The following GPC5 variants were observed in gnomAD, a reference collection of about 807,000 sequenced individuals.
The protein encoded by GPC5 is glypican-5.
In GPC5, 47 loss-of-function variants were observed where a neutral mutation model predicts 53.9. The ratio of observed to expected loss-of-function variants is 0.87; its 90% CI spans 0.69 to 1.11. The LOEUF (loss-of-function observed/expected upper bound fraction) is 1.11, where lower values mean the gene tolerates loss of function less well. Among genes scored for constraint, GPC5 ranks in the 50% most tolerant of loss-of-function variants. GPC5 has a pLI of 0.00. For synonymous variants in GPC5, 286 were observed against 263.3 expected, an observed-to-expected ratio of 1.09 and a Z score of -0.84; for missense variants, 748 against 713.1, an observed-to-expected ratio of 1.05 and a Z score of -0.56.
At chr13:91,707,500 G>A (rs566209677) in intron 3 of GPC5, among the ~76,000 whole-genome samples, 1 of 152,026 alleles carries the variant, frequency 6.6e-6, no homozygotes, top group Non-Finnish European at 1.5e-5. Context: ...GCACACCTGT[G>A]GTCCCAGCTG....
intron 6 of GPC5, among the ~76,000 whole-genome samples, chr13:92,052,491 C>T (rs9284268): frequency 0.047 from 7,147 of 152,180 alleles, 576 homozygotes; most frequent in African/African-American, 0.16. Flanking sequence ...TATTTGTCCC[C>T]GCCCATGTCC....
At chr13:91,803,887 A>G (rs1003027606) in intron 5 of GPC5, among the ~76,000 whole-genome samples, 2 of 152,126 alleles carry the variant, frequency 1.3e-5, no homozygotes, top group African/African-American at 4.8e-5. Flanking sequence ...AGAAATGCAG[A>G]GATAGAAAAA....
intron 7 of GPC5, among the ~76,000 whole-genome samples, chr13:92,185,372 A>G (rs1286851795): frequency 1.3e-5 from 2 of 152,240 alleles, no homozygotes; most frequent in East Asian, 1.9e-4. Context: ...AGCTCAAAAT[A>G]TTAATATGAA....
intron 7 of GPC5, among the ~76,000 whole-genome samples, chr13:92,653,591 A>G (rs1006830186): frequency 2.0e-5 from 3 of 152,254 alleles, no homozygotes; most frequent in Non-Finnish European, 4.4e-5. Context: ...GGCTATTTAT[A>G]AATATGTAAG....
rs577399521 is a variant in GPC5, at chr13:92,776,091, T to A, written c.1562-90191T>A. On this transcript the variant is annotated intron_variant, in intron 7 of 7. Transcript: ENST00000377067. ...TATCTGACAAGTCTGGAGATCAGAATCCTTAAAATCAAGGTATTAGAAGGG... is the reference window on the plus strand; with the variant it reads ...TATCTGACAAGTCTGGAGATCAGAAACCTTAAAATCAAGGTATTAGAAGGG... 3.9e-5 allele frequency among the ~76,000 whole-genome samples: 6 copies of A among 152,292 alleles called. No homozygotes were observed. The East Asian group carries it at 1.2e-3, about 29-fold the overall frequency.
At chr13:92,182,617 A>G (rs1039227414) in intron 7 of GPC5, among the ~76,000 whole-genome samples, 7 of 152,198 alleles carry the variant, frequency 4.6e-5, no homozygotes, top group Non-Finnish European at 8.8e-5. Context: ...TCCGATCGCC[A>G]TAAGTATGGG....
intron 5 of GPC5, among the ~76,000 whole-genome samples, chr13:91,882,137 TG>T (rs145840991): frequency 0.014 from 2,104 of 152,260 alleles, 43 homozygotes; most frequent in African/African-American, 0.041. Context: ...GAGGGTGATA[TG>T]GGGGTGCTTG....
At chr13:91,997,886 T>C (rs985049364) in intron 6 of GPC5, among the ~76,000 whole-genome samples, 5 of 152,232 alleles carry the variant, frequency 3.3e-5, no homozygotes, top group Non-Finnish European at 2.9e-5. Flanking sequence ...ATTTTCTTTA[T>C]GGTTAAATTG....
chr13:92,317,668 A>T (rs1215664360), intron 7 of GPC5, among the ~76,000 whole-genome samples: 3 of 148,184 alleles, frequency 2.0e-5, no homozygotes, highest in Non-Finnish European at 4.5e-5. Context: ...AATTTTTTTT[A>T]TTTTTTTATT....
At chr13:91,726,095 T>C (rs2036570951) in intron 3 of GPC5, among the ~76,000 whole-genome samples, 1 of 152,236 alleles carries the variant, frequency 6.6e-6, no homozygotes, top group Admixed American at 6.5e-5. Context: ...TTTTTGTGAA[T>C]AATTTAGCAC....
intron 6 of GPC5, among the ~76,000 whole-genome samples, chr13:92,105,429 A>T (rs1485111253): frequency 6.6e-6 from 1 of 152,136 alleles, no homozygotes; most frequent in Admixed American, 6.6e-5. Context: ...CTTTCATTTG[A>T]TATTTACCGA....
chr13:92,610,134 C>T (rs911847218), intron 7 of GPC5, among the ~76,000 whole-genome samples: 6 of 149,950 alleles, frequency 4.0e-5, no homozygotes, highest in African/African-American at 1.5e-4. Flanking sequence ...AGAGAGATTT[C>T]TATTGAACTT....
chr13:92,085,697 G>A (rs539418306), intron 6 of GPC5, among the ~76,000 whole-genome samples: 1 of 152,260 alleles, frequency 6.6e-6, no homozygotes, highest in African/African-American at 2.4e-5. Context: ...CCTGCAACTA[G>A]GTGTTCCCAT....
chr13:92,857,164 C>T (rs1187942059), intron 7 of GPC5, among the ~76,000 whole-genome samples: 1 of 152,000 alleles, frequency 6.6e-6, no homozygotes, highest in Non-Finnish European at 1.5e-5. Context: ...AATGAAGCAG[C>T]ACACATAGAA....
intron 7 of GPC5, among the ~76,000 whole-genome samples, chr13:92,669,686 T>C (rs1000613448): frequency 6.6e-6 from 1 of 152,172 alleles, no homozygotes; most frequent in Non-Finnish European, 1.5e-5. Flanking sequence ...CAGGCATTTG[T>C]CCTCTTGGAA....
Position 91,398,864 on chromosome 13 carries a change from C to T in GPC5, c.-183C>T, listed in dbSNP as rs535044366. The T allele has an allele frequency of 1.3e-5, 8 of 632,344 alleles. No individual in the cohort carries two copies. The highest frequency in any genetic ancestry group is 2.1e-5 in the Non-Finnish European group (8 of 382,836). 39.2% of individuals were successfully genotyped at this position (632,344 alleles called of 1,614,324 possible). A position where few individuals can be genotyped will look rare whatever the true frequency, so the allele number is the denominator to read the frequency against. ...AAACTCTGGTGTCTCAGCTTAGGGC[C>T]TCCTCCGGGAAGAGCTAACTGCTCC... On this transcript the variant is annotated 5_prime_UTR_variant, in exon 1 of 8. Coordinates refer to ENST00000377067, the MANE Select transcript of GPC5 (RefSeq NM_004466.6).
intron 2 of GPC5, among the ~76,000 whole-genome samples, chr13:91,518,874 G>T (rs1389525555): frequency 6.6e-6 from 1 of 152,098 alleles, no homozygotes; most frequent in Non-Finnish European, 1.5e-5. Flanking sequence ...TTCTAAAGAG[G>T]CAGTAGTAGT....
rs556729239 is a variant in GPC5, at chr13:91,890,183, C to T, written c.1281-17754C>T. Among the ~76,000 whole-genome samples the T allele has an allele frequency of 3.9e-5, 6 of 152,164 alleles. No homozygotes were observed. In the South Asian group the frequency reaches 8.3e-4, roughly 21 times the overall value. On this transcript the variant is annotated intron_variant, in intron 5 of 7. Transcript: ENST00000377067. Reference sequence around the variant, plus strand: ...ATGTCCTTGCAGAAGTGTTCTTTTGCGTAAGGTTGCAATGGTAAGATTGTG... The same window carrying T: ...ATGTCCTTGCAGAAGTGTTCTTTTGTGTAAGGTTGCAATGGTAAGATTGTG...
chr13:91,403,577 A>G (rs1251523848), intron 1 of GPC5, among the ~76,000 whole-genome samples: 2 of 152,330 alleles, frequency 1.3e-5, no homozygotes, highest in East Asian at 3.9e-4. Flanking sequence ...TCATCCTTTT[A>G]TACCACAGGT....
Sources: gnomAD v4.1 joint callset for allele counts (sites outside exome capture counted in the v4.1 genomes callset) on GRCh38, gnomAD v4.1.1 for gene constraint, MANE v1.5 for transcripts, NCBI Gene and HGNC (gene_info 2026-07-23, HGNC 2026-07-21) for gene names.